The following LRTM3 variants were observed in gnomAD, a reference collection of about 807,000 sequenced individuals.
LRTM3 encodes leucine rich repeat transmembrane protein 3.
At chr13:102,738,382 T>C in the LRTM3 span, 2 of 1,550,808 alleles carry the variant, frequency 1.3e-6, no homozygotes, top group African/African-American at 1.4e-5. Flanking sequence ...CATACTCTGC[T>C]TTTTCTCTCC....
chr13:102,739,112 G>A, the LRTM3 span: 2 of 1,550,286 alleles, frequency 1.3e-6, no homozygotes, highest in Non-Finnish European at 1.7e-6. Context: ...TTCCAAGTGA[G>A]GTGGAGAAAG....
the LRTM3 span, chr13:102,744,844 C>T: frequency 6.4e-7 from 1 of 1,550,762 alleles, no homozygotes; most frequent in Admixed American, 2.0e-5. Context: ...ATTTCTGTAA[C>T]TCCAGGACAG....
the LRTM3 span, chr13:102,732,878 G>A: frequency 6.4e-7 from 1 of 1,551,302 alleles, no homozygotes; most frequent in African/African-American, 1.4e-5. Context: ...GTTTGCGTCT[G>A]TTTGATGTTT....
the LRTM3 span, chr13:102,747,441 C>A: frequency 3.2e-6 from 5 of 1,547,860 alleles, no homozygotes; most frequent in Non-Finnish European, 4.4e-6. Context: ...ACATATTTGA[C>A]ACTGAGTACA....
At chr13:102,732,363 T>G in the LRTM3 span, 19 of 1,551,152 alleles carry the variant, frequency 1.2e-5, no homozygotes, top group Non-Finnish European at 1.7e-5. Flanking sequence ...CCACGCCCCG[T>G]GATATTAAGC....
the LRTM3 span, chr13:102,730,799 C>A: frequency 1.9e-6 from 3 of 1,551,580 alleles, no homozygotes; most frequent in Non-Finnish European, 2.6e-6. Flanking sequence ...AGGGAACGTA[C>A]TTCCAACAGG....
the LRTM3 span, chr13:102,747,959 T>C: frequency 6.4e-7 from 1 of 1,551,290 alleles, no homozygotes. Context: ...TGCCTCTTTC[T>C]CCTGTTCCTT....
At chr13:102,741,948 C>G in the LRTM3 span, 1 of 1,550,480 alleles carries the variant, frequency 6.4e-7, no homozygotes, top group Non-Finnish European at 8.7e-7. Flanking sequence ...TGTTCCTTTT[C>G]TCTAATATCT....
At chr13:102,739,804 A>G in the LRTM3 span, 1 of 1,549,326 alleles carries the variant, frequency 6.5e-7, no homozygotes, top group African/African-American at 1.4e-5. Context: ...GAGGTAAAGA[A>G]AGAATAGACT....
At chr13:102,748,791 C>T in the LRTM3 span, 1 of 1,550,430 alleles carries the variant, frequency 6.4e-7, no homozygotes, top group Non-Finnish European at 8.7e-7. Flanking sequence ...TTTAGTTGAA[C>T]AGTGTTGACC....
chr13:102,754,698 C>A, the LRTM3 span, among the ~76,000 whole-genome samples: 3 of 152,134 alleles, frequency 2.0e-5, no homozygotes, highest in Non-Finnish European at 4.4e-5. Context: ...TACGTCTCCC[C>A]ATTTGTGAGA....
At chr13:102,742,592 G>A in the LRTM3 span, 1 of 1,550,480 alleles carries the variant, frequency 6.4e-7, no homozygotes, top group South Asian at 1.2e-5. Flanking sequence ...ATCAACTTCT[G>A]CTTCTGTCTT....
the LRTM3 span, chr13:102,743,921 G>T: frequency 1.9e-6 from 3 of 1,550,600 alleles, no homozygotes; most frequent in Non-Finnish European, 2.6e-6. Flanking sequence ...GAAAATTGCA[G>T]CTACATTTTC....
At chr13:102,743,567 T>A in the LRTM3 span, 1 of 1,549,928 alleles carries the variant, frequency 6.5e-7, no homozygotes, top group South Asian at 1.2e-5. Flanking sequence ...CTGTATTGTG[T>A]TTATCTGGTT....
the LRTM3 span, chr13:102,741,204 A>G: frequency 6.5e-7 from 1 of 1,549,924 alleles, no homozygotes; most frequent in Non-Finnish European, 8.7e-7. Flanking sequence ...TGTCTATTTG[A>G]TTTTAATGTA....
At chr13:102,748,882 CT>C in the LRTM3 span, 1 of 1,550,080 alleles carries the variant, frequency 6.5e-7, no homozygotes, top group African/African-American at 1.4e-5. Context: ...ACTCCTTTTC[CT>C]TTTTAGTAAT....
At chr13:102,741,564 A>C in the LRTM3 span, 1 of 1,550,280 alleles carries the variant, frequency 6.5e-7, no homozygotes, top group Non-Finnish European at 8.7e-7. Flanking sequence ...GTGTTTTCCA[A>C]ATGAAGAGGT....
chr13:102,758,880 T>C, the LRTM3 span: 1 of 1,550,062 alleles, frequency 6.5e-7, no homozygotes, highest in Non-Finnish European at 8.7e-7. Context: ...GAATGTATTA[T>C]CTTCCAGTCC....
At chr13:102,743,753 T>C in the LRTM3 span, 1 of 1,550,360 alleles carries the variant, frequency 6.5e-7, no homozygotes, top group Non-Finnish European at 8.7e-7. Flanking sequence ...TCTGGTAGAC[T>C]CTCTATTGAT....
Sources: allele counts gnomAD v4.1 joint callset (sites outside exome capture counted in the v4.1 genomes callset), GRCh38; gene constraint gnomAD v4.1.1; transcripts MANE v1.5; gene names NCBI Gene and HGNC (gene_info 2026-07-23, HGNC 2026-07-21).